The following PTGER4 variants were observed in gnomAD, a reference collection of about 807,000 sequenced individuals.
PTGER4 encodes prostaglandin E receptor 4, also known as prostaglandin E2 receptor EP4 subtype.
A neutral mutation model predicts 33.2 loss-of-function variants in PTGER4; 11 were observed. That is an observed-to-expected ratio of 0.33 (90% CI 0.21 to 0.55). The LOEUF (loss-of-function observed/expected upper bound fraction) is 0.55, where lower values mean the gene tolerates loss of function less well. Ranked by LOEUF, PTGER4 falls within the 20% of genes least tolerant of loss-of-function variation. The pLI is 0.92. For synonymous variants in PTGER4, 275 were observed against 281.5 expected (o/e 0.98, Z 0.23); for missense variants, 481 against 650.2 (o/e 0.74, Z 2.83).
chr5:40,721,849 A>G, the PTGER4 span, among the ~76,000 whole-genome samples: 36 of 152,208 alleles, frequency 2.4e-4, no homozygotes, highest in Admixed American at 8.5e-4. Context: ...AACAACCACC[A>G]GAGTAAAAGG....
At chr5:40,738,161 C>T in the PTGER4 span, among the ~76,000 whole-genome samples, 2 of 152,064 alleles carry the variant, frequency 1.3e-5, no homozygotes, top group Non-Finnish European at 2.9e-5. Flanking sequence ...CCTGTAATCC[C>T]AGCACTTTGG....
At chr5:40,685,788 G>A (rs767242360) in intron 2 of PTGER4, among the ~76,000 whole-genome samples, 5 of 152,136 alleles carry the variant, frequency 3.3e-5, no homozygotes, top group Non-Finnish European at 5.9e-5. Context: ...GGTAGCTATA[G>A]GTGAGTCCTC....
the PTGER4 span, among the ~76,000 whole-genome samples, chr5:40,712,831 T>C: frequency 1.1e-4 from 17 of 152,290 alleles, no homozygotes; most frequent in African/African-American, 3.8e-4. Flanking sequence ...CGCCGCTGCC[T>C]TCTGACCAAA....
In PTGER4 at chr5:40,681,251, C is replaced by T; in HGVS notation, c.258C>T (p.Pro86=). 3.1e-6 allele frequency: 5 copies of T among 1,614,006 alleles called. No homozygotes were observed. Among genetic ancestry groups the T allele is most frequent in the Non-Finnish European group, 4.2e-6 (5 of 1,180,028 alleles). The part of the protein sequence containing the change: ...TIATYMKGQW[P]GGQPLCEYST... ...CCACGTACATGAAGGGCCAATGGCC[C>T]GGGGGCCAGCCGCTGTGCGAGTACA... Residue 86 remains proline, a synonymous_variant, in exon 2 of 3, where the codon CCC becomes CCT. Coordinates refer to ENST00000302472, the MANE Select transcript of PTGER4 (RefSeq NM_000958.3). The surrounding 1 kb of genome is among the most constrained non-coding windows in gnomAD (Gnocchi z 9.8).
chr5:40,697,284 A>AAGAAAGAAAG (rs1304841617), downstream of PTGER4, among the ~76,000 whole-genome samples: 1 of 130,818 alleles, frequency 7.6e-6, no homozygotes, highest in Non-Finnish European at 1.7e-5. Context: ...GAAAGAAAGA[A>AAGAAAGAAAG]AGAAAGAAAG....
chr5:40,682,018 A>G (rs1007253627), intron 2 of PTGER4, among the ~76,000 whole-genome samples, 158 bp downstream of exon 2: 5 of 151,718 alleles, frequency 3.3e-5, no homozygotes, highest in Non-Finnish European at 7.4e-5. Context: ...AGCAGGCCCA[A>G]CCCTCTTTGA....
chr5:40,718,635 G>A, the PTGER4 span, among the ~76,000 whole-genome samples: 3 of 152,046 alleles, frequency 2.0e-5, no homozygotes, highest in Non-Finnish European at 4.4e-5. Context: ...CTACTCAGGG[G>A]GCTGAGGCAT....
At chr5:40,722,468 T>G in the PTGER4 span, among the ~76,000 whole-genome samples, 1 of 150,238 alleles carries the variant, frequency 6.7e-6, no homozygotes, top group Non-Finnish European at 1.5e-5. Flanking sequence ...GAGGAGCCTC[T>G]CTGCCTGGCG....
chr5:40,713,729 T>C, the PTGER4 span, among the ~76,000 whole-genome samples: 2 of 152,192 alleles, frequency 1.3e-5, no homozygotes, highest in African/African-American at 4.8e-5. Context: ...ATAGTCAATA[T>C]AACTTGAACA....
At chr5:40,712,270 T>C in the PTGER4 span, among the ~76,000 whole-genome samples, 3 of 152,030 alleles carry the variant, frequency 2.0e-5, no homozygotes, top group African/African-American at 7.2e-5. Flanking sequence ...TTTCCATTAT[T>C]TAAAAAAAAC....
chr5:40,726,065 T>C, the PTGER4 span, among the ~76,000 whole-genome samples: 1 of 151,544 alleles, frequency 6.6e-6, no homozygotes, highest in African/African-American at 2.4e-5. Context: ...GATTACAGAC[T>C]TGAGCCACCG....
At chr5:40,733,166 GA>G in the PTGER4 span, among the ~76,000 whole-genome samples, 1 of 152,074 alleles carries the variant, frequency 6.6e-6, no homozygotes, top group Non-Finnish European at 1.5e-5. Context: ...AATATAGGTA[GA>G]AAAAAACAAA....
the PTGER4 span, among the ~76,000 whole-genome samples, chr5:40,735,433 T>G: frequency 2.0e-5 from 3 of 152,148 alleles, no homozygotes; most frequent in Admixed American, 6.5e-5. Flanking sequence ...TGGCTCAACT[T>G]GGACTTGGTA....
chr5:40,694,397 T>G (rs1741541067), downstream of PTGER4, among the ~76,000 whole-genome samples: 1 of 152,214 alleles, frequency 6.6e-6, no homozygotes, highest in African/African-American at 2.4e-5. Context: ...TTGAGTGAGT[T>G]ATATATCTGC....
rs1741520586 is a variant in PTGER4 at position 40,693,436 on chromosome 5, CT to C, written c.*1061del. 1 of 985,722 alleles carries C rather than the reference CT, an allele frequency of 1.0e-6. No homozygotes were observed. Among genetic ancestry groups the C allele is most frequent in the Admixed American group, 6.2e-5 (1 of 16,246 alleles). The allele number at this position is 985,722 out of a possible 1,614,324, so 61.1% of individuals were successfully genotyped here. A position where few individuals can be genotyped will look rare whatever the true frequency, so the allele number is the denominator to read the frequency against. Reference sequence around the variant, plus strand: ...AAGGATGGCAAGTTGCATCAGAAAGCTTTATTTTGAGATGTAAAAAGATTCC... The same window carrying C: ...AAGGATGGCAAGTTGCATCAGAAAGCTTATTTTGAGATGTAAAAAGATTCC... On this transcript the variant is annotated 3_prime_UTR_variant, in exon 3 of 3. Coordinates refer to ENST00000302472, the MANE Select transcript of PTGER4 (RefSeq NM_000958.3).
chr5:40,708,397 T>G, the PTGER4 span, among the ~76,000 whole-genome samples: 5 of 152,172 alleles, frequency 3.3e-5, no homozygotes, highest in Admixed American at 3.3e-4. Context: ...GAGAATACTA[T>G]AAACACCTCT....
chr5:40,705,903 G>A, the PTGER4 span, among the ~76,000 whole-genome samples: 1 of 152,144 alleles, frequency 6.6e-6, no homozygotes, highest in Non-Finnish European at 1.5e-5. Context: ...CAACCATTGT[G>A]GAAAGCAGTA....
the PTGER4 span, among the ~76,000 whole-genome samples, chr5:40,740,115 A>G: frequency 6.6e-6 from 1 of 152,114 alleles, no homozygotes; most frequent in Admixed American, 6.6e-5. Context: ...CAATTGTTAT[A>G]TATTTACTTC....
rs779549253 is a variant in PTGER4 at position 40,681,695 on chromosome 5, C to G, written c.702C>G (p.Ala234=). 5.7e-6 allele frequency: 9 copies of G among 1,577,488 alleles called. No homozygotes were observed. The highest frequency in any genetic ancestry group is 7.7e-6 in the Non-Finnish European group (9 of 1,167,130). ...AGCAGCACCACGCGGCCGCGGCCGC[C>G]TCGGTTGCCTCCCGGGGCCACCCCG... is the stretch of plus-strand genomic sequence containing the variant. The part of the protein sequence containing the change: ...GTEQHHAAAA[A]SVASRGHPAA... The change falls in exon 2 of 3, where the codon GCC becomes GCG. Residue 234 remains alanine, a synonymous_variant. Transcript: ENST00000302472. This position sits in a 1 kb window ranked among gnomAD's most constrained non-coding sequence, Gnocchi z 9.8.
Sources: allele counts gnomAD v4.1 joint callset (sites outside exome capture counted in the v4.1 genomes callset), GRCh38; gene constraint gnomAD v4.1.1; non-coding constraint Gnocchi (gnomAD v3.1); transcripts MANE v1.5; gene names NCBI Gene and HGNC (gene_info 2026-07-23, HGNC 2026-07-21).